ANKS1B: variants seen among roughly 807,000 people sequenced by gnomAD.
ANKS1B encodes the protein ankyrin repeat and sterile alpha motif domain containing 1B.
A neutral mutation model predicts 148.3 loss-of-function variants in ANKS1B; 36 were observed. The ratio of observed to expected loss-of-function variants is 0.24; its 90% CI spans 0.19 to 0.32. ANKS1B has a LOEUF of 0.32. Among genes scored for constraint, ANKS1B ranks in the 10% least tolerant of loss-of-function variants. The probability of loss-of-function intolerance (pLI) is 1.00; values close to 1 mark genes in which losing one functional copy is unlikely to be tolerated. For synonymous variants in ANKS1B, 542 were observed against 560.8 expected (o/e 0.97, Z 0.47); for missense variants, 1,157 against 1,542.6 (o/e 0.75, Z 4.19).
chr12:99,271,449 A>G (rs1236684266), intron 12 of ANKS1B, among the ~76,000 whole-genome samples: 1 of 151,874 alleles, frequency 6.6e-6, no homozygotes, highest in Non-Finnish European at 1.5e-5. Context: ...TCTATCCTTC[A>G]AGTGAAATAT....
intron 17 of ANKS1B, among the ~76,000 whole-genome samples, chr12:98,919,112 T>C (rs1377647177): frequency 6.6e-6 from 1 of 152,256 alleles, no homozygotes; most frequent in Non-Finnish European, 1.5e-5. Flanking sequence ...AAAATCTTTT[T>C]CTGTTTTCTA....
At chr12:99,524,615 A>G (rs1312510914) in intron 9 of ANKS1B, among the ~76,000 whole-genome samples, 1 of 152,188 alleles carries the variant, frequency 6.6e-6, no homozygotes, top group South Asian at 2.1e-4. Flanking sequence ...GCTCATAAAG[A>G]CATACCCAAG....
chr12:99,714,727 G>C (rs2057077521), intron 8 of ANKS1B, among the ~76,000 whole-genome samples: 1 of 152,050 alleles, frequency 6.6e-6, no homozygotes, highest in South Asian at 2.1e-4. Flanking sequence ...GGGCCTCCTA[G>C]TTCCTGAGAC....
chr12:99,520,717 T>C (rs947815622), intron 9 of ANKS1B, among the ~76,000 whole-genome samples: 1 of 152,182 alleles, frequency 6.6e-6, no homozygotes, highest in African/African-American at 2.4e-5. Flanking sequence ...TTGAGGCTAT[T>C]TTCCAGAGCC....
At chr12:99,496,784 A>G (rs565675955) in intron 10 of ANKS1B, among the ~76,000 whole-genome samples, 16 of 152,254 alleles carry the variant, frequency 1.1e-4, no homozygotes, top group African/African-American at 3.4e-4. Context: ...AGTTTTTAAT[A>G]CAAGAGACCA....
intron 18 of ANKS1B, among the ~76,000 whole-genome samples, chr12:98,830,115 G>C (rs2099288227): frequency 6.6e-6 from 1 of 152,028 alleles, no homozygotes; most frequent in African/African-American, 2.4e-5. Context: ...CAGAATGAGA[G>C]GTTCAGAAGG....
chr12:99,351,516 C>G (rs1331442534), intron 12 of ANKS1B, among the ~76,000 whole-genome samples: 1 of 151,556 alleles, frequency 6.6e-6, no homozygotes, highest in Non-Finnish European at 1.5e-5. Context: ...ATAAGACAGA[C>G]CTGGGTTTGA....
At chr12:99,594,444 G>A (rs999908816) in intron 9 of ANKS1B, among the ~76,000 whole-genome samples, 1 of 152,078 alleles carries the variant, frequency 6.6e-6, no homozygotes, top group African/African-American at 2.4e-5. Flanking sequence ...CAGCCAAGAT[G>A]TAGAAACAAC....
intron 1 of ANKS1B, among the ~76,000 whole-genome samples, chr12:99,952,178 A>T (rs1406747843): frequency 1.3e-5 from 2 of 152,204 alleles, no homozygotes; most frequent in Non-Finnish European, 2.9e-5. Context: ...GTCCAGAGTC[A>T]GTATGGAGGG....
At chr12:99,580,205 G>A (rs1230263971) in intron 9 of ANKS1B, among the ~76,000 whole-genome samples, 3 of 152,190 alleles carry the variant, frequency 2.0e-5, no homozygotes, top group South Asian at 2.1e-4. Context: ...AGGGTAGAGG[G>A]TTGGAGGACT....
chr12:99,898,718 C>G (rs914120237), intron 1 of ANKS1B, among the ~76,000 whole-genome samples: 6 of 152,098 alleles, frequency 3.9e-5, no homozygotes, highest in African/African-American at 1.4e-4. Context: ...AAACTGCTCT[C>G]CGCTTTAGCC....
chr12:99,436,910 C>T (rs554422171), intron 11 of ANKS1B, among the ~76,000 whole-genome samples: 8 of 152,020 alleles, frequency 5.3e-5, no homozygotes, highest in African/African-American at 1.9e-4. Context: ...CTCTTTGCTT[C>T]TTTTTGCTAT....
rs1169900500 is a variant in ANKS1B, at chr12:99,077,599, C to A, written c.2625+7326G>T. On this transcript the variant is annotated intron_variant, in intron 16 of 26. Transcript: ENST00000683438. The stretch of plus-strand genomic sequence containing the variant: ...TTTTAAAGAAATAACATTGGTTGTA[C>A]ACTTTTCCGCTAAAGCGTACACACA... Among the ~76,000 whole-genome samples the A allele has an allele frequency of 5.9e-5, 9 of 152,294 alleles. No individual in the cohort carries two copies. The East Asian group carries it at 1.7e-3, about 29-fold the overall frequency.
At chr12:99,424,029 G>A (rs974394448) in intron 11 of ANKS1B, among the ~76,000 whole-genome samples, 7 of 151,738 alleles carry the variant, frequency 4.6e-5, no homozygotes, top group East Asian at 1.9e-4. Context: ...TTAACTTCTC[G>A]ACTTAGGCTT....
chr12:99,896,829 A>G (rs376076676), intron 1 of ANKS1B, among the ~76,000 whole-genome samples: 2 of 151,468 alleles, frequency 1.3e-5, no homozygotes, highest in Admixed American at 6.6e-5. Context: ...AATAGAAGCA[A>G]ATTCATTTAT....
intron 16 of ANKS1B, among the ~76,000 whole-genome samples, chr12:99,065,812 C>G (rs915146398): frequency 6.6e-6 from 1 of 152,164 alleles, no homozygotes; most frequent in Non-Finnish European, 1.5e-5. Context: ...GTGGGGTTTA[C>G]CTTCTAAGTG....
rs542749467 is a variant in ANKS1B at position 99,894,558 on chromosome 12, A to G, written c.135-69169T>C. On this transcript the variant is annotated intron_variant, in intron 1 of 26. Coordinates refer to ENST00000683438, the MANE Select transcript of ANKS1B (RefSeq NM_001352186.2). ...AGGTACAAATCGTGCTTGATTTACC[A>G]TGGTTCAACTTACAATTTTTCAACT... Among the ~76,000 whole-genome samples the G allele has an allele frequency of 3.3e-4, 50 of 150,090 alleles. No homozygotes were observed. The South Asian group carries it at 0.01, about 30-fold the overall frequency.
chr12:99,125,666 T>C (rs2372731), intron 15 of ANKS1B, among the ~76,000 whole-genome samples: 99,823 of 152,000 alleles, frequency 0.66, 33,026 homozygotes, highest in East Asian at 0.75. Context: ...ATCCTGGTGA[T>C]TGGTTGACTT....
intron 17 of ANKS1B, among the ~76,000 whole-genome samples, chr12:99,044,388 C>CGCAG (rs1168489061): frequency 6.7e-5 from 10 of 149,116 alleles, no homozygotes; most frequent in Admixed American, 6.6e-4. Context: ...GAGTCTTTCC[C>CGCAG]TCTCACATTT....
Sources: allele counts gnomAD v4.1 joint callset (sites outside exome capture counted in the v4.1 genomes callset), GRCh38; gene constraint gnomAD v4.1.1; transcripts MANE v1.5; gene names NCBI Gene and HGNC (gene_info 2026-07-23, HGNC 2026-07-21).